KDM2B: variants seen among roughly 807,000 people sequenced by gnomAD.
The protein encoded by KDM2B is lysine demethylase 2B.
In KDM2B, 26 loss-of-function variants were observed where a neutral mutation model predicts 150.0. The ratio of observed to expected loss-of-function variants is 0.17; its 90% CI spans 0.13 to 0.24. The LOEUF (loss-of-function observed/expected upper bound fraction) is 0.24, where lower values mean the gene tolerates loss of function less well. Ranked by LOEUF, KDM2B falls within the 10% of genes least tolerant of loss-of-function variation. KDM2B has a pLI of 1.00. For synonymous variants in KDM2B, 734 were observed against 729.5 expected, an observed-to-expected ratio of 1.01 and a Z score of -0.10; for missense variants, 1,265 against 1,816.9, an observed-to-expected ratio of 0.70 and a Z score of 5.52.
intron 4 of KDM2B, among the ~76,000 whole-genome samples, chr12:121,566,316 G>A (rs1209284645): frequency 1.3e-5 from 2 of 151,962 alleles, no homozygotes; most frequent in Non-Finnish European, 2.9e-5. Context: ...GTGAAACTCC[G>A]TCTCTACTCA....
At chr12:121,443,110 G>A (rs557542706) in intron 17 of KDM2B, 80 bp from the exon 18 acceptor site, 4 of 1,366,890 alleles carry the variant, frequency 2.9e-6, no homozygotes, top group East Asian at 4.9e-5. Context: ...ACCCCACCAC[G>A]AGTCCACAGT....
At chr12:121,530,771 G>C (rs1310100254) in intron 8 of KDM2B, among the ~76,000 whole-genome samples, 1 of 151,956 alleles carries the variant, frequency 6.6e-6, no homozygotes, top group African/African-American at 2.4e-5. Flanking sequence ...ACCTCCCCCA[G>C]CTTGCTTAAG....
intron 4 of KDM2B, among the ~76,000 whole-genome samples, chr12:121,558,731 A>G (rs1000740352): frequency 2.6e-5 from 4 of 152,196 alleles, no homozygotes; most frequent in Admixed American, 2.6e-4. Context: ...CTGGGATTAC[A>G]GGCGTGAGAC....
chr12:121,483,518 A>T (rs1271953532), intron 12 of KDM2B, among the ~76,000 whole-genome samples: 2 of 152,020 alleles, frequency 1.3e-5, no homozygotes, highest in Non-Finnish European at 2.9e-5. Context: ...ACTAAAAAAA[A>T]TACGAAAATT....
intron 4 of KDM2B, among the ~76,000 whole-genome samples, chr12:121,560,458 C>T (rs1432927038): frequency 6.6e-6 from 1 of 152,144 alleles, no homozygotes; most frequent in Non-Finnish European, 1.5e-5. Flanking sequence ...AAACAAGCAG[C>T]TCAGGCTGAT....
chr12:121,490,161 G>A (rs1371794236), intron 12 of KDM2B, among the ~76,000 whole-genome samples: 2 of 152,214 alleles, frequency 1.3e-5, no homozygotes, highest in Non-Finnish European at 2.9e-5. Flanking sequence ...CGGAGGAAAG[G>A]GGAGAGAGAC....
intron 12 of KDM2B, among the ~76,000 whole-genome samples, chr12:121,473,249 G>A (rs540206254): frequency 5.3e-5 from 8 of 152,166 alleles, no homozygotes; most frequent in African/African-American, 1.4e-4. Context: ...AAAATTAGCC[G>A]GGTGTGATGG....
intron 12 of KDM2B, among the ~76,000 whole-genome samples, chr12:121,474,191 T>A (rs1881084126): frequency 6.6e-6 from 1 of 152,140 alleles, no homozygotes; most frequent in South Asian, 2.1e-4. Flanking sequence ...ACGTGTTAAA[T>A]GACAATGAAT....
intron 12 of KDM2B, among the ~76,000 whole-genome samples, chr12:121,476,673 G>A (rs1881422304): frequency 6.6e-6 from 1 of 152,024 alleles, no homozygotes; most frequent in Admixed American, 6.6e-5. Context: ...GGGGTCTGAT[G>A]GGCTCCGATG....
At chr12:121,484,222 C>T (rs1042988648) in intron 12 of KDM2B, among the ~76,000 whole-genome samples, 5 of 152,066 alleles carry the variant, frequency 3.3e-5, no homozygotes, top group East Asian at 1.9e-4. Flanking sequence ...GAGGGTGAGG[C>T]GGCTGGGGAG....
chr12:121,500,063 C>T (rs1276499799), intron 11 of KDM2B, among the ~76,000 whole-genome samples: 1 of 152,064 alleles, frequency 6.6e-6, no homozygotes, highest in Non-Finnish European at 1.5e-5. Context: ...GGCCCCCCTG[C>T]GGCCACCAGG....
chr12:121,533,067 TGGGGTGG>T lies in KDM2B; in HGVS notation c.778-115_778-109del. The T allele has an allele frequency of 9.0e-7, 1 of 1,107,850 alleles. No individual in the cohort carries two copies. Among genetic ancestry groups the T allele is most frequent in the Non-Finnish European group, 1.3e-6 (1 of 761,812 alleles). The allele number at this position is 1,107,850 out of a possible 1,614,324, so 68.6% of individuals were successfully genotyped here. A position where few individuals can be genotyped will look rare whatever the true frequency, so the allele number is the denominator to read the frequency against. On this transcript the variant is annotated intron_variant, in intron 7 of 22. Coordinates refer to ENST00000377071, the MANE Select transcript of KDM2B (RefSeq NM_032590.5). The surrounding 1 kb of genome is among the most constrained non-coding windows in gnomAD (Gnocchi z 4.1). ...GGGAGGGGGCGAGACAAGCTGTGTG[TGGGGTGG>T]GGGGTGTGGAGAGATGGCAGATCCA... is the stretch of plus-strand genomic sequence containing the variant.
chr12:121,575,581 A>T lies in KDM2B; in HGVS notation c.350+200T>A, dbSNP rs958272128. ...ATTACCCTATGTCCTCTCTCTGCCC[A>T]AAGTCCCTGCAAAAGACCAGTCTTT... On this transcript the variant is annotated intron_variant, in intron 3 of 22. Coordinates refer to ENST00000377071, the MANE Select transcript of KDM2B (RefSeq NM_032590.5). The surrounding 1 kb of genome is among the most constrained non-coding windows in gnomAD (Gnocchi z 4.4). 1.3e-5 allele frequency among the ~76,000 whole-genome samples: 2 copies of T among 152,220 alleles called. No individual in the cohort carries two copies. The highest frequency in any genetic ancestry group is 2.9e-5 in the Non-Finnish European group (2 of 68,034).
chr12:121,454,921 C>A (rs1593803546), intron 12 of KDM2B, among the ~76,000 whole-genome samples: 1 of 152,244 alleles, frequency 6.6e-6, no homozygotes, highest in South Asian at 2.1e-4. Context: ...ACTCCCTGCA[C>A]CCTAGGGGCT....
At chr12:121,490,181 G>A (rs576524635) in intron 12 of KDM2B, among the ~76,000 whole-genome samples, 1 of 152,320 alleles carries the variant, frequency 6.6e-6, no homozygotes, top group Non-Finnish European at 1.5e-5. Context: ...CAAAGCAGAA[G>A]CAAAGGTCAC....
Position 121,443,769 on chromosome 12 carries a change from C to T in KDM2B, c.2476G>A (p.Gly826Ser), listed in dbSNP as rs782353818. 1.2e-6 allele frequency: 2 copies of T among 1,606,978 alleles called. No individual in the cohort carries two copies. Among genetic ancestry groups the T allele is most frequent in the African/African-American group, 1.3e-5 (1 of 74,742 alleles). The part of the protein sequence containing the change: ...KRASSLQTSP[G>S]SSSHLSPRPP... Reference sequence around the variant, plus strand: ...CTCGGCGAGAGGTGAGAGGAGGAACCGGGGGACGTTTGAAGCGATGAGGCC... The same window carrying T: ...CTCGGCGAGAGGTGAGAGGAGGAACTGGGGGACGTTTGAAGCGATGAGGCC... Residue 826 changes from glycine to serine, a missense_variant, in exon 17 of 23, where the codon GGT (glycine) becomes AGT (serine). Gly to Ser is a moderately conservative substitution (Grantham distance 56). Coordinates refer to ENST00000377071, the MANE Select transcript of KDM2B (RefSeq NM_032590.5).
In KDM2B at chr12:121,543,635, C is replaced by A. The variant is rs1888780838; in HGVS notation, c.683+5242G>T. Among the ~76,000 whole-genome samples, 2 of 151,392 alleles carry A rather than the reference C, an allele frequency of 1.3e-5. 1 individual carries two copies. Among genetic ancestry groups the A allele is most frequent in the South Asian group, 4.2e-4 (2 of 4,810 alleles). On this transcript the variant is annotated intron_variant, in intron 6 of 22. Coordinates refer to ENST00000377071, the MANE Select transcript of KDM2B (RefSeq NM_032590.5). ...GGTCAGGAGATCGAAACCATCCTGGCCAACATGGTGAAACCCCATCTCTAC... is the reference window on the plus strand; with the variant it reads ...GGTCAGGAGATCGAAACCATCCTGGACAACATGGTGAAACCCCATCTCTAC...
intron 11 of KDM2B, among the ~76,000 whole-genome samples, chr12:121,501,205 A>G (rs1555301864): frequency 2.0e-5 from 3 of 152,114 alleles, no homozygotes. Context: ...AGAGACACAA[A>G]GAAGAAATCT....
intron 2 of KDM2B, among the ~76,000 whole-genome samples, chr12:121,578,454 C>A (rs1891670796): frequency 6.6e-6 from 1 of 152,180 alleles, no homozygotes; most frequent in South Asian, 2.1e-4. Flanking sequence ...CCTCAGGCAG[C>A]GCAGGGAGCG....
Sources: gnomAD v4.1 joint callset for allele counts (sites outside exome capture counted in the v4.1 genomes callset) on GRCh38, gnomAD v4.1.1 for gene constraint, Gnocchi (gnomAD v3.1) non-coding constraint, MANE v1.5 for transcripts, NCBI Gene and HGNC (gene_info 2026-07-23, HGNC 2026-07-21) for gene names.